The following DIPK1B variants were observed in gnomAD, a reference collection of about 807,000 sequenced individuals.
DIPK1B encodes the protein divergent protein kinase domain 1B, also known as family with sequence similarity 69 member B.
In DIPK1B, 17 loss-of-function variants were observed where a neutral mutation model predicts 20.7. That is an observed-to-expected ratio of 0.82 (90% CI 0.56 to 1.23). DIPK1B has a LOEUF of 1.23. Ranked by LOEUF, DIPK1B falls within the 50% of genes most tolerant of loss-of-function variation. The probability of loss-of-function intolerance (pLI) is 0.00; values close to 1 mark genes in which losing one functional copy is unlikely to be tolerated. For missense variants in DIPK1B, 648 were observed against 601.8 expected, an observed-to-expected ratio of 1.08 and a Z score of -0.80; for synonymous variants, 343 against 276.5, an observed-to-expected ratio of 1.24 and a Z score of -2.39.
rs749130876 is a variant in DIPK1B, at chr9:136,723,532, A to G, written c.1054A>G (p.Arg352Gly). The G allele has an allele frequency of 6.3e-7, 1 of 1,599,506 alleles. No individual in the cohort carries two copies. The highest frequency in any genetic ancestry group is 1.1e-5 in the South Asian group (1 of 89,402). Residue 352 changes from arginine to glycine, a missense_variant, in exon 5 of 5, where the codon AGG (arginine) becomes GGG (glycine). Physicochemically the swap from Arg to Gly is moderately radical, Grantham distance 125. Transcript: ENST00000371692. ...YGRDCRAPCD[R>G]LMRQCKGDLI... Reference sequence around the variant, plus strand: ...GCGCGACTGCAGGGCCCCGTGTGACAGGCTCATGAGGCAGTGCAAGGGCGA... The same window carrying G: ...GCGCGACTGCAGGGCCCCGTGTGACGGGCTCATGAGGCAGTGCAAGGGCGA...
In DIPK1B at chr9:136,723,516, C is replaced by T; in HGVS notation, c.1038C>T (p.Cys346=). ...CCGACTGCACCTACGGGCGCGACTGCAGGGCCCCGTGTGACAGGCTCATGA... is the reference window on the plus strand; with the variant it reads ...CCGACTGCACCTACGGGCGCGACTGTAGGGCCCCGTGTGACAGGCTCATGA... ...HSTDCTYGRD[C]RAPCDRLMRQ... The change falls in exon 5 of 5, where the codon TGC becomes TGT. Residue 346 remains cysteine (C), a synonymous_variant. Transcript: ENST00000371692. The T allele has an allele frequency of 6.2e-7, 1 of 1,601,844 alleles. No homozygotes were observed. Among genetic ancestry groups the T allele is most frequent in the South Asian group, 1.1e-5 (1 of 89,794 alleles).
Position 136,724,097 on chromosome 9 carries a change from CTGTG to C in DIPK1B, c.*324_*327del. ...GCTGTGTGTGGGACCCTTCGCCCCG[CTGTG>C]GATCCACCCAGCCCAGGCACTCAGG... On this transcript the variant is annotated 3_prime_UTR_variant, in exon 5 of 5. Transcript: ENST00000371692. 1.8e-5 allele frequency: 6 copies of C among 333,488 alleles called. No homozygotes were observed. The highest frequency in any genetic ancestry group is 8.6e-5 in the East Asian group (1 of 11,690). 20.7% of individuals were successfully genotyped at this position (333,488 alleles called of 1,614,324 possible).
intron 3 of DIPK1B, 21 bp downstream of exon 3, chr9:136,722,049 G>A (rs200916022): frequency 2.5e-6 from 4 of 1,613,374 alleles, no homozygotes; most frequent in Admixed American, 3.3e-5. Flanking sequence ...TGGCAGGGCG[G>A]GTGGGCCTGG....
Position 136,724,125 on chromosome 9 carries a change from G to A in DIPK1B, c.*351G>A, listed in dbSNP as rs930903923. The A allele has an allele frequency of 1.1e-5, 3 of 283,876 alleles. No individual in the cohort carries two copies. The highest frequency in any genetic ancestry group is 1.0e-4 in the Admixed American group (2 of 19,732). The allele number at this position is 283,876 out of a possible 1,614,324, so 17.6% of individuals were successfully genotyped here. ...TGGATCCACCCAGCCCAGGCACTCA[G>A]GCTGGGGTTGAGCCCCTGAATCCTT... On this transcript the variant is annotated 3_prime_UTR_variant, in exon 5 of 5. Coordinates refer to ENST00000371692, the MANE Select transcript of DIPK1B (RefSeq NM_152421.4).
At chr9:136,722,520 C>G (rs780924949) in intron 4 of DIPK1B, 4 of 622,712 alleles carry the variant, frequency 6.4e-6, no homozygotes, top group Non-Finnish European at 5.5e-6. Context: ...GGGCTGGCAG[C>G]TGAGGTCGAG....
rs948208879 is a variant in DIPK1B at position 136,724,012 on chromosome 9, A to C, written c.*238A>C. 1 of 564,734 alleles carries C rather than the reference A, an allele frequency of 1.8e-6. No homozygotes were observed. The highest frequency in any genetic ancestry group is 3.2e-6 in the Non-Finnish European group (1 of 315,376). 35.0% of individuals were successfully genotyped at this position (564,734 alleles called of 1,614,324 possible). A position where few individuals can be genotyped will look rare whatever the true frequency, so the allele number is the denominator to read the frequency against. On this transcript the variant is annotated 3_prime_UTR_variant, in exon 5 of 5. Transcript: ENST00000371692. ...GGGGGTTTGTTACTCTGAAGAACGT[A>C]ATGTCAATAAACAGCTTTTATGTAA...
intron 1 of DIPK1B, among the ~76,000 whole-genome samples, chr9:136,716,494 C>T (rs1042998655): frequency 9.2e-5 from 14 of 152,108 alleles, no homozygotes; most frequent in African/African-American, 3.4e-4. Flanking sequence ...TCTCGAACTC[C>T]TGAGCTCAAG....
At chr9:136,717,554 T>C in intron 1 of DIPK1B, 23 bp from the exon 2 acceptor site, 1 of 1,594,074 alleles carries the variant, frequency 6.3e-7, no homozygotes, top group Non-Finnish European at 8.5e-7. Flanking sequence ...GGGCACCTCC[T>C]CACGCAGCCC....
chr9:136,712,587 C>T lies in DIPK1B; in HGVS notation c.-79C>T, dbSNP rs1041238180. The T allele has an allele frequency of 2.1e-5, 13 of 626,676 alleles. No homozygotes were observed. In the African/African-American group the frequency reaches 2.2e-4, roughly 11 times the overall value. 38.8% of individuals were successfully genotyped at this position (626,676 alleles called of 1,614,324 possible). A position where few individuals can be genotyped will look rare whatever the true frequency, so the allele number is the denominator to read the frequency against. Reference sequence around the variant, plus strand: ...CGCGGCCCGCATGGCGAGGGAGCGGCGGCCGCTGCGGGCCGGGCCGGGCCG... The same window carrying T: ...CGCGGCCCGCATGGCGAGGGAGCGGTGGCCGCTGCGGGCCGGGCCGGGCCG... On this transcript the variant is annotated 5_prime_UTR_variant, in exon 1 of 5. Coordinates refer to ENST00000371692, the MANE Select transcript of DIPK1B (RefSeq NM_152421.4). The surrounding 1 kb of genome is among the most constrained non-coding windows in gnomAD (Gnocchi z 5.6).
rs1364522482 is a variant in DIPK1B at position 136,712,870 on chromosome 9, G to A, written c.63+142G>A. On this transcript the variant is annotated intron_variant, in intron 1 of 4. Coordinates refer to ENST00000371692, the MANE Select transcript of DIPK1B (RefSeq NM_152421.4). This position sits in a 1 kb window ranked among gnomAD's most constrained non-coding sequence, Gnocchi z 5.6. ...GAGCCCGGGGTGGGCAGCGGGGAGGGGGCGAGTGGCTCCGGAAGGACGGGA... is the reference window on the plus strand; with the variant it reads ...GAGCCCGGGGTGGGCAGCGGGGAGGAGGCGAGTGGCTCCGGAAGGACGGGA... 2 of 409,656 alleles carry A rather than the reference G, an allele frequency of 4.9e-6. No individual in the cohort carries two copies. The highest frequency in any genetic ancestry group is 4.3e-5 in the African/African-American group (2 of 46,900). The allele number at this position is 409,656 out of a possible 1,614,324, so 25.4% of individuals were successfully genotyped here. A position where few individuals can be genotyped will look rare whatever the true frequency, so the allele number is the denominator to read the frequency against.
Position 136,717,621 on chromosome 9 carries a change from G to T in DIPK1B, c.108G>T (p.Trp36Cys). Residue 36 changes from tryptophan (W) to cysteine (C), a missense_variant, in exon 2 of 5, where the codon TGG becomes TGT. By Grantham distance (215) the Trp-to-Cys change is radical. Coordinates refer to ENST00000371692, the MANE Select transcript of DIPK1B (RefSeq NM_152421.4). Reference protein sequence around the residue: ...GLRVRCIFLAWLGVFAGSWLV... With the variant: ...GLRVRCIFLACLGVFAGSWLV... ...GGGTCCGCTGCATCTTCCTGGCCTG[G>T]CTGGGCGTCTTTGCAGGCAGCTGGC... 6.2e-7 allele frequency: 1 copy of T among 1,604,438 alleles called. No homozygotes were observed.
At chr9:136,721,779 C>CTG (rs1846605156) in intron 2 of DIPK1B, 142 bp from the exon 3 acceptor site, 1 of 710,138 alleles carries the variant, frequency 1.4e-6, no homozygotes, top group Non-Finnish European at 2.3e-6. Flanking sequence ...GACCCAGGGC[C>CTG]CCGGCACTGC....
At chr9:136,717,855 C>A in intron 2 of DIPK1B, 144 bp downstream of exon 2, 1 of 1,329,960 alleles carries the variant, frequency 7.5e-7, no homozygotes, top group Non-Finnish European at 1.0e-6. Context: ...TGCAAAGCTG[C>A]CTCAGGCTGG....
rs140488435 is a variant in DIPK1B, at chr9:136,722,990, C to G, written c.512C>G (p.Pro171Arg). The G allele has an allele frequency of 4.4e-6, 7 of 1,608,380 alleles. No individual in the cohort carries two copies. Among genetic ancestry groups the G allele is most frequent in the Non-Finnish European group, 6.0e-6 (7 of 1,176,136 alleles). ...KANLGDLPSLPALVGQVLLMA... is the reference protein window; with the variant it reads ...KANLGDLPSLRALVGQVLLMA... ...AACCTGGGAGACCTGCCTTCCCTGC[C>G]GGCGCTGGTTGGCCAGGTCCTGCTC... The change falls in exon 5 of 5, where the codon CCG becomes CGG. Residue 171 changes from proline (P) to arginine (R), a missense_variant. By Grantham distance (103) the Pro-to-Arg change is moderately radical. Transcript: ENST00000371692.
At chr9:136,718,337 G>T (rs953328636) in intron 2 of DIPK1B, among the ~76,000 whole-genome samples, 1 of 152,130 alleles carries the variant, frequency 6.6e-6, no homozygotes, top group Non-Finnish European at 1.5e-5. Flanking sequence ...GGGACCAGGG[G>T]TCCCCTGAGG....
Position 136,723,618 on chromosome 9 carries a change from C to T in DIPK1B, c.1140C>T (p.Gly380=), listed in dbSNP as rs138376888. The T allele has an allele frequency of 4.3e-5, 68 of 1,579,402 alleles. No homozygotes were observed. In the African/African-American group the frequency reaches 5.7e-4, roughly 13 times the overall value. Residue 380 remains glycine (G), a synonymous_variant, in exon 5 of 5, where the codon GGC becomes GGT. Coordinates refer to ENST00000371692, the MANE Select transcript of DIPK1B (RefSeq NM_152421.4). ...CALLRGYLLP[G]APADLREELG... ...TGCTACGGGGCTACCTGCTGCCTGG[C>T]GCGCCCGCCGACCTCCGCGAGGAGC...
intron 1 of DIPK1B, among the ~76,000 whole-genome samples, chr9:136,717,246 T>G (rs1278496525): frequency 6.6e-6 from 1 of 151,724 alleles, no homozygotes. Flanking sequence ...AAAAAAAAAT[T>G]TCATTCAGCA....
At position 136,712,827 on chromosome 9, in the gene DIPK1B, C is replaced by T. The variant is rs1334593296; in HGVS notation, c.63+99C>T. The T allele has an allele frequency of 4.8e-6, 4 of 839,120 alleles. No homozygotes were observed. Among genetic ancestry groups the T allele is most frequent in the Non-Finnish European group, 6.3e-6 (4 of 637,476 alleles). The allele number at this position is 839,120 out of a possible 1,614,324, so 52.0% of individuals were successfully genotyped here. A position where few individuals can be genotyped will look rare whatever the true frequency, so the allele number is the denominator to read the frequency against. ...CGAGTACGGAGCGGGGCCCCGGGTT[C>T]GGACACGAAGGGTTCATGAGCCCGG... On this transcript the variant is annotated intron_variant, in intron 1 of 4. Transcript: ENST00000371692. This position sits in a 1 kb window ranked among gnomAD's most constrained non-coding sequence, Gnocchi z 5.6.
rs530742334 is a variant in DIPK1B, at chr9:136,723,492, C to T, written c.1014C>T (p.Thr338=). 2.4e-5 allele frequency: 38 copies of T among 1,609,436 alleles called. No homozygotes were observed. Among genetic ancestry groups the T allele is most frequent in the Middle Eastern group, 1.7e-4 (1 of 6,060 alleles). ...AGGGCCGCCGCTGCGAGCACAGCAC[C>T]GACTGCACCTACGGGCGCGACTGCA... ...FLQGRRCEHS[T]DCTYGRDCRA... is the part of the protein sequence containing the mutation. Residue 338 remains threonine (T), a synonymous_variant, in exon 5 of 5, where the codon ACC becomes ACT. Transcript: ENST00000371692.
Sources: gnomAD v4.1 joint callset for allele counts (sites outside exome capture counted in the v4.1 genomes callset) on GRCh38, gnomAD v4.1.1 for gene constraint, Gnocchi (gnomAD v3.1) non-coding constraint, MANE v1.5 for transcripts, NCBI Gene and HGNC (gene_info 2026-07-23, HGNC 2026-07-21) for gene names.